TM2D3: variants seen among roughly 807,000 people sequenced by gnomAD.
TM2D3 encodes TM2 domain-containing protein 3.
Under a neutral mutation model 27.3 loss-of-function variants are expected in TM2D3, and 33 were observed. That is an observed-to-expected ratio of 1.21 (90% CI 0.92 to 1.61). TM2D3 has a LOEUF of 1.61. Among genes scored for constraint, TM2D3 ranks in the 40% most tolerant of loss-of-function variants. TM2D3 has a pLI of 0.00. For synonymous variants in TM2D3, 138 were observed against 122.2 expected, an observed-to-expected ratio of 1.13 and a Z score of -0.85; for missense variants, 364 against 320.8, an observed-to-expected ratio of 1.13 and a Z score of -1.03.
At chr15:101,638,373 C>T (rs983478466), downstream of TM2D3, among the ~76,000 whole-genome samples, 3 of 151,962 alleles carry the variant, frequency 2.0e-5, no homozygotes, top group African/African-American at 7.3e-5. Context: ...CGGCTCACAG[C>T]AGCCTCTGCC....
chr15:101,643,599 T>TAA (rs1158728522), intron 5 of TM2D3, among the ~76,000 whole-genome samples: 67 of 47,268 alleles, frequency 1.4e-3, no homozygotes, highest in Admixed American at 2.0e-3. Context: ...GAGACTCCGT[T>TAA]AAAAAAAAAA....
intron 3 of TM2D3, among the ~76,000 whole-genome samples, chr15:101,648,969 CAATTT>C (rs1896895204): frequency 6.6e-6 from 1 of 152,086 alleles, no homozygotes; most frequent in Non-Finnish European, 1.5e-5. Flanking sequence ...AGAGGTTGAT[CAATTT>C]GATTACCTAT....
intron 1 of TM2D3, 187 bp from the exon 2 acceptor site, chr15:101,651,960 A>T: frequency 1.6e-6 from 1 of 626,588 alleles, no homozygotes; most frequent in Admixed American, 3.0e-5. Flanking sequence ...AGTTCAGGTC[A>T]GCCGGCAACG....
intron 4 of TM2D3, chr15:101,633,855 G>A (rs1339766139): frequency 6.7e-6 from 5 of 751,702 alleles, no homozygotes; most frequent in Non-Finnish European, 1.0e-5. Flanking sequence ...ACTTGATTGA[G>A]AAGAGATGAT....
chr15:101,633,260 T>TA (rs1896487455), exon 5 of TM2D3: 1 of 161,628 alleles, frequency 6.2e-6, no homozygotes. Flanking sequence ...AAGGATATAT[T>TA]ACTTTTCTAT....
intron 4 of TM2D3, chr15:101,633,788 T>C: frequency 7.2e-7 from 1 of 1,387,590 alleles, no homozygotes; most frequent in Non-Finnish European, 9.8e-7. Flanking sequence ...TGACATAATA[T>C]CCAACATGTC....
chr15:101,650,942 T>C (rs1467094413), intron 2 of TM2D3: 1 of 152,214 alleles, frequency 6.6e-6, no homozygotes, highest in Non-Finnish European at 1.5e-5. Context: ...TGCACTGCTG[T>C]TTTTTACATC....
rs75245991 is a variant in TM2D3, at chr15:101,644,472, C to T, written c.578+615G>A. Among the ~76,000 whole-genome samples the T allele has an allele frequency of 2.5e-3, 380 of 152,300 alleles. 1 individual carries two copies. Among genetic ancestry groups the T allele is most frequent in the African/African-American group, 8.6e-3 (359 of 41,562 alleles). On this transcript the variant is annotated intron_variant, in intron 5 of 5. Coordinates refer to ENST00000333202, the MANE Select transcript of TM2D3 (RefSeq NM_078474.3). ...CAGTGATGAGGCTGAGAAATCCTGC[C>T]CTATGGCTGCAATGCTGCAGGCCTC...
chr15:101,641,980 ATATG>A lies in TM2D3; in HGVS notation c.*495_*498del. 8 of 985,550 alleles carry A rather than the reference ATATG, an allele frequency of 8.1e-6. No homozygotes were observed. Among genetic ancestry groups the A allele is most frequent in the Non-Finnish European group, 9.6e-6 (8 of 829,952 alleles). The allele number at this position is 985,550 out of a possible 1,614,324, so 61.1% of individuals were successfully genotyped here. ...TTTTCATATATACAGACCAGACTAC[ATATG>A]TATTACACTGCAAAACTTACACATG... is the stretch of plus-strand genomic sequence containing the variant. On this transcript the variant is annotated 3_prime_UTR_variant, in exon 6 of 6. Transcript: ENST00000333202.
chr15:101,638,252 T>G (rs1460971718), downstream of TM2D3, among the ~76,000 whole-genome samples: 1 of 141,546 alleles, frequency 7.1e-6, no homozygotes, highest in Admixed American at 6.7e-5. Flanking sequence ...GATACCTCTC[T>G]TTCTCCGAAT....
chr15:101,649,532 T>C (rs1455597242), intron 3 of TM2D3, among the ~76,000 whole-genome samples: 1 of 152,238 alleles, frequency 6.6e-6, no homozygotes, highest in African/African-American at 2.4e-5. Flanking sequence ...TTCCACTTAA[T>C]TTTGTTCTAG....
chr15:101,639,504 G>C (rs1896621712), downstream of TM2D3, among the ~76,000 whole-genome samples: 1 of 151,656 alleles, frequency 6.6e-6, no homozygotes, highest in Non-Finnish European at 1.5e-5. Flanking sequence ...CTTACAGGAT[G>C]AATTAAAATC....
chr15:101,641,644 A>C (rs1041215168), downstream of TM2D3, among the ~76,000 whole-genome samples: 3 of 152,210 alleles, frequency 2.0e-5, no homozygotes, highest in African/African-American at 7.2e-5. Flanking sequence ...TGAATAACTG[A>C]GTTTTTTTTC....
At chr15:101,648,410 A>G (rs1896874377) in intron 3 of TM2D3, 1 of 152,248 alleles carries the variant, frequency 6.6e-6, no homozygotes, top group African/African-American at 2.4e-5. Context: ...GGATCTGCAA[A>G]ATAATACGTT....
downstream of TM2D3, among the ~76,000 whole-genome samples, chr15:101,641,238 G>A (rs1192577822): frequency 6.6e-6 from 1 of 152,144 alleles, no homozygotes; most frequent in Non-Finnish European, 1.5e-5. Context: ...CTCCCATCCT[G>A]AAGAACTGCT....
Position 101,644,999 on chromosome 15 carries a change from T to C in TM2D3, c.578+88A>G, listed in dbSNP as rs1488970622. 9 of 1,138,314 alleles carry C rather than the reference T, an allele frequency of 7.9e-6. 1 individual carries two copies. The African/African-American group carries it at 1.2e-4, about 16-fold the overall frequency. 70.5% of individuals were successfully genotyped at this position (1,138,314 alleles called of 1,614,324 possible). On this transcript the variant is annotated intron_variant, in intron 5 of 5. Coordinates refer to ENST00000333202, the MANE Select transcript of TM2D3 (RefSeq NM_078474.3). Reference sequence around the variant, plus strand: ...CACGTGGTAGGATCTGAGTGAAGAATGAAGGGGACTGAGCTCAATGTCTGA... The same window carrying C: ...CACGTGGTAGGATCTGAGTGAAGAACGAAGGGGACTGAGCTCAATGTCTGA...
chr15:101,648,838 T>C lies in TM2D3; in HGVS notation c.327+1166A>G, dbSNP rs552014597. Reference sequence around the variant, plus strand: ...TTTAATGAGCAATGCAGCTAAAAAATAAGCACACTTATCTGCATCCATGTA... The same window carrying C: ...TTTAATGAGCAATGCAGCTAAAAAACAAGCACACTTATCTGCATCCATGTA... On this transcript the variant is annotated intron_variant, in intron 3 of 5. Transcript: ENST00000333202. 5.1e-4 allele frequency among the ~76,000 whole-genome samples: 57 copies of C among 112,370 alleles called. 1 individual carries two copies. The highest frequency in any genetic ancestry group is 2.4e-3 in the African/African-American group (50 of 21,276). The allele number at this position is 112,370 out of a possible 152,430, so 73.7% of individuals were successfully genotyped here.
downstream of TM2D3, among the ~76,000 whole-genome samples, chr15:101,640,333 C>G (rs1896638615): frequency 6.6e-6 from 1 of 152,140 alleles, no homozygotes; most frequent in Admixed American, 6.5e-5. Context: ...CTGCCTCTAC[C>G]ATGTGAGGAT....
At chr15:101,651,101 G>A (rs1382993588) in intron 2 of TM2D3, 3 of 152,744 alleles carry the variant, frequency 2.0e-5, no homozygotes, top group African/African-American at 7.2e-5. Context: ...CTGTATTAAG[G>A]AACAATTCTA....
Sources: allele counts gnomAD v4.1 joint callset (sites outside exome capture counted in the v4.1 genomes callset), GRCh38; gene constraint gnomAD v4.1.1; transcripts MANE v1.5; gene names NCBI Gene and HGNC (gene_info 2026-07-23, HGNC 2026-07-21).